PCDHA7: variants seen among roughly 807,000 people sequenced by gnomAD.
PCDHA7 encodes protocadherin alpha-7.
PCDHA7 carries 37 observed loss-of-function variants against 57.2 expected under a neutral mutation model. The observed-to-expected ratio is 0.65, with a 90% CI of 0.50 to 0.85. The LOEUF (loss-of-function observed/expected upper bound fraction) is 0.85, where lower values mean the gene tolerates loss of function less well. PCDHA7 is among the 40% of genes least tolerant of loss of function. The pLI, the probability that PCDHA7 is intolerant of heterozygous loss-of-function variation, is 0.00. For synonymous variants in PCDHA7, 553 were observed against 558.8 expected, an observed-to-expected ratio of 0.99 and a Z score of 0.15; for missense variants, 1,188 against 1,241.8, an observed-to-expected ratio of 0.96 and a Z score of 0.65.
chr5:140,970,471 G>T (rs773565871), intron 1 of PCDHA7, among the ~76,000 whole-genome samples: 1 of 152,142 alleles, frequency 6.6e-6, no homozygotes, highest in African/African-American at 2.4e-5. Context: ...TAGGTATAAG[G>T]CCAGCTTGTT....
At chr5:140,944,792 G>C (rs1411963111) in intron 1 of PCDHA7, among the ~76,000 whole-genome samples, 3 of 152,138 alleles carry the variant, frequency 2.0e-5, no homozygotes, top group African/African-American at 7.2e-5. Context: ...TATTTTACAA[G>C]TCTGTCGAGG....
At chr5:140,852,888 T>TA (rs1217426677) in intron 1 of PCDHA7, 2 of 919,976 alleles carry the variant, frequency 2.2e-6, no homozygotes, top group Non-Finnish European at 2.6e-6. Context: ...AAAACGTATT[T>TA]TTTTTTTTGA....
intron 3 of PCDHA7, among the ~76,000 whole-genome samples, chr5:141,003,556 A>G (rs1183434751): frequency 6.6e-6 from 1 of 152,034 alleles, no homozygotes; most frequent in Non-Finnish European, 1.5e-5. Flanking sequence ...CAAGTGATCC[A>G]CCTGCCTCAG....
intron 1 of PCDHA7, chr5:140,858,206 A>T (rs781984728): frequency 1.3e-6 from 2 of 1,593,038 alleles, no homozygotes; most frequent in Non-Finnish European, 1.7e-6. Flanking sequence ...CACTGCACTG[A>T]GGTGCTCGGC....
intron 3 of PCDHA7, among the ~76,000 whole-genome samples, chr5:140,985,402 C>T (rs1554247027): frequency 6.6e-6 from 1 of 152,118 alleles, no homozygotes; most frequent in African/African-American, 2.4e-5. Context: ...CAACTGTTCC[C>T]CTGGAAATGG....
chr5:140,988,214 A>AG (rs1408259452), intron 3 of PCDHA7, among the ~76,000 whole-genome samples: 28 of 152,200 alleles, frequency 1.8e-4, no homozygotes, highest in Non-Finnish European at 4.4e-5. Flanking sequence ...AGGAAAAAAA[A>AG]ATGAGATCAG....
chr5:140,935,353 T>C (rs2090328143), intron 1 of PCDHA7, among the ~76,000 whole-genome samples: 1 of 152,184 alleles, frequency 6.6e-6, no homozygotes, highest in Non-Finnish European at 1.5e-5. Flanking sequence ...CAAATCCCAG[T>C]TTTCATTAAC....
In PCDHA7 at chr5:140,869,699, C is replaced by A. The variant is rs10071369; in HGVS notation, c.2355+32961C>A. On this transcript the variant is annotated intron_variant, in intron 1 of 3. Transcript: ENST00000525929. ...AGACTGTCACTTATTTTAAAGAAGTCTCTGGATAGAGAGAAAACTCCGGAA... is the reference window on the plus strand; with the variant it reads ...AGACTGTCACTTATTTTAAAGAAGTATCTGGATAGAGAGAAAACTCCGGAA... 1,310 of 1,613,374 alleles carry A rather than the reference C, an allele frequency of 8.1e-4. 10 individuals carry two copies. In the African/African-American group the frequency reaches 0.014, roughly 18 times the overall value.
At chr5:140,999,143 A>G (rs2097848811) in intron 3 of PCDHA7, among the ~76,000 whole-genome samples, 1 of 152,214 alleles carries the variant, frequency 6.6e-6, no homozygotes, top group Non-Finnish European at 1.5e-5. Context: ...CACAGCCGGA[A>G]GTCTTCAGTC....
At chr5:140,953,911 AG>A (rs1554221121) in intron 1 of PCDHA7, among the ~76,000 whole-genome samples, 1 of 152,120 alleles carries the variant, frequency 6.6e-6, no homozygotes, top group South Asian at 2.1e-4. Flanking sequence ...AGCATCCATT[AG>A]GTATTCTTCC....
chr5:140,935,393 C>T (rs1213341467), intron 1 of PCDHA7, among the ~76,000 whole-genome samples: 2 of 152,166 alleles, frequency 1.3e-5, no homozygotes, highest in Admixed American at 6.5e-5. Context: ...TGTTATCCCA[C>T]GGGACTCAAA....
intron 1 of PCDHA7, chr5:140,883,872 T>A (rs1554180376): frequency 1.2e-6 from 2 of 1,612,996 alleles, no homozygotes; most frequent in African/African-American, 1.3e-5. Flanking sequence ...CAGTTCCAGG[T>A]GAGCGCGCGC....
intron 1 of PCDHA7, chr5:140,966,833 C>G: frequency 2.6e-6 from 4 of 1,563,480 alleles, no homozygotes; most frequent in Non-Finnish European, 3.5e-6. Flanking sequence ...CATGCCCTGG[C>G]TGCTGCTACT....
At chr5:140,928,452 G>T in intron 1 of PCDHA7, 3 of 1,614,126 alleles carry the variant, frequency 1.9e-6, no homozygotes, top group Non-Finnish European at 2.5e-6. Flanking sequence ...AGCTCAGGGG[G>T]TTTCATTTCC....
chr5:140,893,294 T>C (rs539821362), intron 1 of PCDHA7, among the ~76,000 whole-genome samples: 97 of 152,304 alleles, frequency 6.4e-4, no homozygotes, highest in African/African-American at 2.3e-3. Flanking sequence ...ATATGGTAGT[T>C]CTATTTGTAG....
rs781985413 is a variant in PCDHA7 at position 140,857,290 on chromosome 5, C to T, written c.2355+20552C>T. On this transcript the variant is annotated intron_variant, in intron 1 of 3. Coordinates refer to ENST00000525929, the MANE Select transcript of PCDHA7 (RefSeq NM_018910.3). ...TGGTGCTGGACAGCGCTCTGGACCG[C>T]GAGAGGGTGTCGGCCTATGAGCTGG... 16 of 1,598,706 alleles carry T rather than the reference C, an allele frequency of 1.0e-5. 2 individuals carry two copies. Among genetic ancestry groups the T allele is most frequent in the Non-Finnish European group, 1.4e-5 (16 of 1,168,040 alleles).
At chr5:140,922,092 C>G (rs188826380) in intron 1 of PCDHA7, among the ~76,000 whole-genome samples, 2 of 152,184 alleles carry the variant, frequency 1.3e-5, no homozygotes. Context: ...GGTATTTCTA[C>G]CAACTATAGA....
intron 1 of PCDHA7, chr5:140,876,328 C>T: frequency 6.2e-7 from 1 of 1,613,940 alleles, no homozygotes; most frequent in Non-Finnish European, 8.5e-7. Context: ...AATGATTTTG[C>T]CAGTGAGTGA....
At chr5:140,872,589 C>T (rs1242242642) in intron 1 of PCDHA7, among the ~76,000 whole-genome samples, 1 of 151,922 alleles carries the variant, frequency 6.6e-6, no homozygotes, top group African/African-American at 2.4e-5. Flanking sequence ...ATCGTGAGAC[C>T]CCCATCTGAA....
Sources: allele counts gnomAD v4.1 joint callset (sites outside exome capture counted in the v4.1 genomes callset), GRCh38; gene constraint gnomAD v4.1.1; transcripts MANE v1.5; gene names NCBI Gene and HGNC (gene_info 2026-07-23, HGNC 2026-07-21).